Variants in SAMD5 observed in about 807,000 individuals in gnomAD.
SAMD5 encodes sterile alpha motif domain-containing protein 5.
A neutral mutation model predicts 11.3 loss-of-function variants in SAMD5; 13 were observed. The ratio of observed to expected loss-of-function variants is 1.15; its 90% confidence interval spans 0.75 to 1.83. The LOEUF (loss-of-function observed/expected upper bound fraction) is 1.83. SAMD5 is among the 40% of genes most tolerant of loss of function. The pLI is 0.00. For missense variants in SAMD5, 255 were observed against 239.1 expected (o/e 1.07, Z -0.44); for synonymous variants, 129 against 111.3 (o/e 1.16, Z -1.00).
chr6:147,596,665 T>C (rs560158306), intron 1 of SAMD5, among the ~76,000 whole-genome samples: 1 of 152,374 alleles, frequency 6.6e-6, no homozygotes, highest in South Asian at 2.1e-4. Context: ...ACTATGAGAA[T>C]GATAAACATC....
At chr6:147,670,202 C>T (rs1340814931) in intron 1 of SAMD5, among the ~76,000 whole-genome samples, 1 of 152,098 alleles carries the variant, frequency 6.6e-6, no homozygotes, top group East Asian at 1.9e-4. Flanking sequence ...TAGATCTCAA[C>T]AATGGGCTTA....
intron 1 of SAMD5, among the ~76,000 whole-genome samples, chr6:147,580,052 T>C (rs939210400): frequency 3.5e-4 from 53 of 152,306 alleles, no homozygotes; most frequent in African/African-American, 1.3e-3. Flanking sequence ...CCTCATAATT[T>C]GATTATGATA....
intron 1 of SAMD5, among the ~76,000 whole-genome samples, chr6:147,644,576 G>A (rs1054899858): frequency 2.6e-5 from 4 of 152,156 alleles, no homozygotes; most frequent in Non-Finnish European, 5.9e-5. Flanking sequence ...TAATGCATCA[G>A]TATGTCTTCA....
chr6:147,613,704 T>C (rs539750424), intron 1 of SAMD5, among the ~76,000 whole-genome samples: 36 of 149,784 alleles, frequency 2.4e-4, no homozygotes, highest in Middle Eastern at 6.8e-3. Context: ...CAGAAAGAGA[T>C]GGAGAAGAAA....
chr6:147,713,264 G>A lies in SAMD5; in HGVS notation c.163-24053G>A, dbSNP rs144664808. Among the ~76,000 whole-genome samples, 1,078 of 152,286 alleles carry A rather than the reference G, an allele frequency of 7.1e-3. 9 individuals carry two copies. The highest frequency in any genetic ancestry group is 0.025 in the African/African-American group (1,034 of 41,556). ...GTTTGAAGAAAACAAAGGATGCAAAGGTTCTCTAACAGTTGCATGAGTTCA... is the reference window on the plus strand; with the variant it reads ...GTTTGAAGAAAACAAAGGATGCAAAAGTTCTCTAACAGTTGCATGAGTTCA... On this transcript the variant is annotated intron_variant, in intron 1 of 1. Transcript: ENST00000566741.
chr6:147,753,398 A>T, the SAMD5 span, among the ~76,000 whole-genome samples: 1 of 152,120 alleles, frequency 6.6e-6, no homozygotes, highest in African/African-American at 2.4e-5. Flanking sequence ...ATTTCACTTC[A>T]TTCTCATTAG....
rs796949190 is a variant in SAMD5 at position 147,568,560 on chromosome 6, A to G, written c.*4104A>G. On this transcript the variant is annotated 3_prime_UTR_variant, in exon 2 of 2. Coordinates refer to ENST00000367474, the MANE Select transcript of SAMD5 (RefSeq NM_001030060.3). The stretch of plus-strand genomic sequence containing the variant: ...GTCTGACCCTACATTGCCAATTCTC[A>G]GACCAAGTACAAAGTATTAGGAATT... 4 of 985,442 alleles carry G rather than the reference A, an allele frequency of 4.1e-6. No homozygotes were observed. The African/African-American group carries it at 7.0e-5, about 17-fold the overall frequency. 61.0% of individuals were successfully genotyped at this position (985,442 alleles called of 1,614,324 possible).
the SAMD5 span, among the ~76,000 whole-genome samples, chr6:147,923,436 A>G: frequency 0.012 from 1,878 of 152,326 alleles, 47 homozygotes; most frequent in African/African-American, 0.042. Context: ...GAATGAATCA[A>G]TGAGAATGTG....
intron 1 of SAMD5, among the ~76,000 whole-genome samples, chr6:147,726,965 T>C (rs934052701): frequency 6.6e-6 from 1 of 152,204 alleles, no homozygotes; most frequent in African/African-American, 2.4e-5. Context: ...AATTCCAGCC[T>C]CACCTCTCTG....
intron 1 of SAMD5, among the ~76,000 whole-genome samples, chr6:147,547,052 C>T (rs1400911482): frequency 6.6e-6 from 1 of 152,174 alleles, no homozygotes; most frequent in Non-Finnish European, 1.5e-5. Flanking sequence ...CCATCACTGA[C>T]CTCCTCCCTC....
At chr6:147,732,215 C>T (rs997851368) in intron 1 of SAMD5, among the ~76,000 whole-genome samples, 2 of 152,118 alleles carry the variant, frequency 1.3e-5, no homozygotes, top group African/African-American at 2.4e-5. Context: ...TGAACAATTG[C>T]GTGACCCTTG....
the SAMD5 span, among the ~76,000 whole-genome samples, chr6:147,882,238 C>T: frequency 6.6e-6 from 1 of 152,064 alleles, no homozygotes; most frequent in Non-Finnish European, 1.5e-5. Flanking sequence ...TGTTGATTCT[C>T]CCAACCACAT....
the SAMD5 span, among the ~76,000 whole-genome samples, chr6:147,783,399 G>A: frequency 6.7e-6 from 1 of 148,990 alleles, no homozygotes; most frequent in East Asian, 2.0e-4. Context: ...TTTGCGGGGG[G>A]TCGGGGCGGG....
At chr6:147,726,683 A>G (rs984815043) in intron 1 of SAMD5, among the ~76,000 whole-genome samples, 6 of 152,160 alleles carry the variant, frequency 3.9e-5, no homozygotes, top group African/African-American at 1.4e-4. Flanking sequence ...CTGTGGCTAG[A>G]GCTTATCTTT....
At chr6:147,823,765 A>G in the SAMD5 span, among the ~76,000 whole-genome samples, 3 of 152,204 alleles carry the variant, frequency 2.0e-5, no homozygotes, top group Admixed American at 2.0e-4. Context: ...TGAGCATTTA[A>G]GTATTTCTTA....
At chr6:147,886,543 C>T in the SAMD5 span, among the ~76,000 whole-genome samples, 1 of 151,998 alleles carries the variant, frequency 6.6e-6, no homozygotes, top group African/African-American at 2.4e-5. Flanking sequence ...CTGTGACTTG[C>T]TTCTAACCAA....
At chr6:147,859,223 A>G in the SAMD5 span, among the ~76,000 whole-genome samples, 11 of 138,542 alleles carry the variant, frequency 7.9e-5, no homozygotes, top group South Asian at 2.1e-4. Context: ...AGCCAAAAGC[A>G]TAGGGGGACG....
the SAMD5 span, among the ~76,000 whole-genome samples, chr6:147,807,144 G>A: frequency 6.6e-6 from 1 of 152,182 alleles, no homozygotes; most frequent in East Asian, 1.9e-4. Context: ...CTGTCACCCA[G>A]GCTGGAGTGT....
chr6:147,810,613 T>C, the SAMD5 span, among the ~76,000 whole-genome samples: 3 of 152,200 alleles, frequency 2.0e-5, no homozygotes, highest in Admixed American at 1.3e-4. Flanking sequence ...AGGCTGACAC[T>C]TTCCTCCTTG....
Sources: allele counts gnomAD v4.1 joint callset (sites outside exome capture counted in the v4.1 genomes callset), GRCh38; gene constraint gnomAD v4.1.1; transcripts MANE v1.5; gene names NCBI Gene and HGNC (gene_info 2026-07-23, HGNC 2026-07-21).